RB1CC1: variants seen among roughly 807,000 people sequenced by gnomAD.
The protein encoded by RB1CC1 is RB1-inducible coiled-coil protein 1.
Under a neutral mutation model 177.5 loss-of-function variants are expected in RB1CC1, and 46 were observed. The ratio of observed to expected loss-of-function variants is 0.26; its 90% CI spans 0.20 to 0.33. The LOEUF (loss-of-function observed/expected upper bound fraction) is 0.33, where lower values mean the gene tolerates loss of function less well. Among genes scored for constraint, RB1CC1 ranks in the 10% least tolerant of loss-of-function variants. The probability of loss-of-function intolerance (pLI) is 1.00; values close to 1 mark genes in which losing one functional copy is unlikely to be tolerated. For missense variants in RB1CC1, 1,703 were observed against 1,816.3 expected, an observed-to-expected ratio of 0.94 and a Z score of 1.13; for synonymous variants, 666 against 613.6, an observed-to-expected ratio of 1.09 and a Z score of -1.26.
chr8:52,646,160 G>A (rs1850007414), intron 15 of RB1CC1, among the ~76,000 whole-genome samples: 1 of 152,148 alleles, frequency 6.6e-6, no homozygotes, highest in Non-Finnish European at 1.5e-5. Flanking sequence ...TGCCCATGGA[G>A]TAGCCATTCT....
intron 8 of RB1CC1, among the ~76,000 whole-genome samples, chr8:52,667,193 T>C (rs537205645): frequency 6.6e-6 from 1 of 152,286 alleles, no homozygotes; most frequent in South Asian, 2.1e-4. Flanking sequence ...TAAGAGATTT[T>C]CAAACAACAA....
intron 15 of RB1CC1, among the ~76,000 whole-genome samples, chr8:52,650,006 A>G (rs554816291): frequency 5.9e-5 from 9 of 151,986 alleles, no homozygotes; most frequent in Non-Finnish European, 1.0e-4. Context: ...TCCTCTGTCC[A>G]TTTTTCTAAC....
intron 8 of RB1CC1, among the ~76,000 whole-genome samples, chr8:52,663,303 T>C (rs1851786256): frequency 6.6e-6 from 1 of 151,920 alleles, no homozygotes; most frequent in East Asian, 1.9e-4. Flanking sequence ...GGCTAGAGAA[T>C]GAATATTCAG....
chr8:52,705,936 T>C (rs1856504668), intron 1 of RB1CC1, among the ~76,000 whole-genome samples: 1 of 152,208 alleles, frequency 6.6e-6, no homozygotes, highest in South Asian at 2.1e-4. Flanking sequence ...AAAAGCAATT[T>C]ACAGTATATA....
intron 18 of RB1CC1, among the ~76,000 whole-genome samples, chr8:52,639,992 T>C (rs1849435667): frequency 6.6e-6 from 1 of 152,194 alleles, no homozygotes; most frequent in Non-Finnish European, 1.5e-5. Flanking sequence ...TTGTACCTTC[T>C]ATTTATCCCA....
intron 7 of RB1CC1, among the ~76,000 whole-genome samples, chr8:52,671,022 G>A (rs1359986552): frequency 6.6e-6 from 1 of 151,418 alleles, no homozygotes; most frequent in African/African-American, 2.4e-5. Flanking sequence ...CTACGAAAAT[G>A]CAGCAACAAT....
chr8:52,632,273 C>T (rs139430593), intron 20 of RB1CC1, among the ~76,000 whole-genome samples: 92 of 152,262 alleles, frequency 6.0e-4, no homozygotes, highest in African/African-American at 2.0e-3. Context: ...CATGGTTGCA[C>T]AAACCAAGGA....
intron 15 of RB1CC1, among the ~76,000 whole-genome samples, chr8:52,648,628 C>T (rs1346158989): frequency 6.6e-6 from 1 of 152,098 alleles, no homozygotes; most frequent in Non-Finnish European, 1.5e-5. Flanking sequence ...CAGTGGATGC[C>T]TGAAACTGTA....
intron 1 of RB1CC1, among the ~76,000 whole-genome samples, chr8:52,703,966 C>A (rs1395736328): frequency 6.6e-6 from 1 of 152,182 alleles, no homozygotes; most frequent in African/African-American, 2.4e-5. Flanking sequence ...CTTTATGTTA[C>A]ATACTCCTAT....
rs111631545 is a variant in RB1CC1, at chr8:52,663,354, G to GT, written c.1174-1636dup. 8.2e-3 allele frequency among the ~76,000 whole-genome samples: 1,181 copies of GT among 144,812 alleles called. 16 individuals are homozygous for GT. Among genetic ancestry groups the GT allele is most frequent in the African/African-American group, 0.017 (689 of 39,998 alleles). Reference sequence around the variant, plus strand: ...CAGCTTCATAGGTTTGGTGAGTGAGGTTTTTTTTTTTGCCAAAACCATGTA... The same window carrying GT: ...CAGCTTCATAGGTTTGGTGAGTGAGGTTTTTTTTTTTTGCCAAAACCATGTA... On this transcript the variant is annotated intron_variant, in intron 8 of 23. Transcript: ENST00000025008.
At chr8:52,648,607 T>C (rs937994398) in intron 15 of RB1CC1, among the ~76,000 whole-genome samples, 2 of 152,134 alleles carry the variant, frequency 1.3e-5, no homozygotes, top group Admixed American at 6.5e-5. Flanking sequence ...GGGAATATGT[T>C]CCGAGACCCC....
chr8:52,699,833 ATATAT>A (rs1855877691), intron 1 of RB1CC1, among the ~76,000 whole-genome samples: 6 of 55,358 alleles, frequency 1.1e-4, no homozygotes, highest in East Asian at 1.6e-3. Context: ...AAAAAAAAAT[ATATAT>A]ATATATATAT....
At chr8:52,668,756 T>C (rs1224219756) in intron 7 of RB1CC1, among the ~76,000 whole-genome samples, 1 of 152,154 alleles carries the variant, frequency 6.6e-6, no homozygotes, top group Non-Finnish European at 1.5e-5. Context: ...AAAAAATATT[T>C]TACCTGGCAG....
At chr8:52,700,653 AACAT>A (rs1855969556) in intron 1 of RB1CC1, among the ~76,000 whole-genome samples, 1 of 152,230 alleles carries the variant, frequency 6.6e-6, no homozygotes, top group East Asian at 1.9e-4. Context: ...ACATGAGCAG[AACAT>A]ACAAACAATG....
chr8:52,702,146 C>T (rs1563469345), intron 1 of RB1CC1, among the ~76,000 whole-genome samples: 2 of 152,088 alleles, frequency 1.3e-5, no homozygotes, highest in Non-Finnish European at 2.9e-5. Context: ...TATTTCAACC[C>T]TGGATTATTA....
intron 20 of RB1CC1, among the ~76,000 whole-genome samples, chr8:52,634,681 G>A (rs974519010): frequency 1.1e-4 from 16 of 152,110 alleles, no homozygotes; most frequent in Non-Finnish European, 2.2e-4. Flanking sequence ...CCGTAAATTC[G>A]CCAAGACATT....
At chr8:52,693,137 A>G (rs1274091908) in intron 1 of RB1CC1, among the ~76,000 whole-genome samples, 6 of 152,244 alleles carry the variant, frequency 3.9e-5, no homozygotes, top group Non-Finnish European at 8.8e-5. Flanking sequence ...GATGGATTAA[A>G]GACTTAAATG....
At chr8:52,653,764 C>G (rs563650837) in intron 15 of RB1CC1, among the ~76,000 whole-genome samples, 1 of 152,252 alleles carries the variant, frequency 6.6e-6, no homozygotes, top group South Asian at 2.1e-4. Context: ...CTGAATATCT[C>G]AAATGTTGAA....
chr8:52,684,520 T>C (rs1335440872), intron 3 of RB1CC1, among the ~76,000 whole-genome samples: 1 of 152,190 alleles, frequency 6.6e-6, no homozygotes, highest in African/African-American at 2.4e-5. Context: ...ATGGTCACTA[T>C]AAAAATATAA....
Sources: allele counts gnomAD v4.1 joint callset (sites outside exome capture counted in the v4.1 genomes callset), GRCh38; gene constraint gnomAD v4.1.1; transcripts MANE v1.5; gene names NCBI Gene and HGNC (gene_info 2026-07-23, HGNC 2026-07-21).